DPY19L1: variants seen among roughly 807,000 people sequenced by gnomAD.
DPY19L1 encodes the protein dpy-19 like C-mannosyltransferase 1, also known as protein C-mannosyl-transferase DPY19L1.
In DPY19L1, 35 loss-of-function variants were observed where a neutral mutation model predicts 96.9. That is an observed-to-expected ratio of 0.36 (90% confidence interval 0.28 to 0.48). The LOEUF (loss-of-function observed/expected upper bound fraction) is 0.48. Among genes scored for constraint, DPY19L1 ranks in the 20% least tolerant of loss-of-function variants. The pLI is 0.99. For missense variants in DPY19L1, 521 were observed against 777.9 expected, an observed-to-expected ratio of 0.67 and a Z score of 3.93; for synonymous variants, 205 against 252.6, an observed-to-expected ratio of 0.81 and a Z score of 1.79.
rs1785913064 is a variant in DPY19L1 at position 35,018,513 on chromosome 7, A to G, written c.323+59T>C. 4 of 1,447,320 alleles carry G rather than the reference A, an allele frequency of 2.8e-6. No homozygotes were observed. In the Admixed American group the frequency reaches 5.3e-5, roughly 19 times the overall value. The allele number at this position is 1,447,320 out of a possible 1,614,324, so 89.7% of individuals were successfully genotyped here. A position where few individuals can be genotyped will look rare whatever the true frequency, so the allele number is the denominator to read the frequency against. On this transcript the variant is annotated intron_variant, in intron 2 of 21. Transcript: ENST00000638088. The stretch of plus-strand genomic sequence containing the variant: ...TTATTCCTTTAAATGTATGGGAAAT[A>G]GCTTTAGCAAGTTATAAACGTCTGC...
rs552550658 is a variant in DPY19L1, at chr7:35,017,339, C to CA, written c.411+542dup. ...AAACCCCGTCTCTACTAAAAAAATA[C>CA]AAAAAATTAGCCGGGCGCGGTGGCG... On this transcript the variant is annotated intron_variant, in intron 3 of 21. Transcript: ENST00000638088. 8.1e-3 allele frequency among the ~76,000 whole-genome samples: 1,222 copies of CA among 150,940 alleles called. 22 individuals are homozygous for CA. The highest frequency in any genetic ancestry group is 0.029 in the African/African-American group (1,181 of 41,058).
At position 35,018,555 on chromosome 7, in the gene DPY19L1, G is replaced by GA. The variant is rs1333513558; in HGVS notation, c.323+16dup. The GA allele has an allele frequency of 1.9e-6, 3 of 1,602,996 alleles. No individual in the cohort carries two copies. Among genetic ancestry groups the GA allele is most frequent in the Non-Finnish European group, 2.6e-6 (3 of 1,174,722 alleles). On this transcript the variant is annotated intron_variant, in intron 2 of 21. Coordinates refer to ENST00000638088, the MANE Select transcript of DPY19L1 (RefSeq NM_001366673.1). ...AACGTCTGCATAAAATACCATAGGA[G>GA]AAAAAAACAATCTTACCAGTGCAAC...
At chr7:35,026,725 A>G (rs149108121) in intron 1 of DPY19L1, among the ~76,000 whole-genome samples, 165 of 152,336 alleles carry the variant, frequency 1.1e-3, no homozygotes, top group Middle Eastern at 0.01. Context: ...TTCAAAAGAT[A>G]CACTGAGGGA....
intron 16 of DPY19L1, among the ~76,000 whole-genome samples, chr7:34,944,180 T>G (rs1434938962): frequency 6.6e-6 from 1 of 151,714 alleles, no homozygotes; most frequent in Non-Finnish European, 1.5e-5. Context: ...CTGGCCAATA[T>G]GGTGAAACCC....
At chr7:35,004,227 C>T (rs1009387960) in intron 6 of DPY19L1, among the ~76,000 whole-genome samples, 4 of 152,208 alleles carry the variant, frequency 2.6e-5, no homozygotes, top group African/African-American at 9.6e-5. Flanking sequence ...AGCTCAGCTG[C>T]GCTCCTGACA....
At chr7:35,004,618 A>T (rs566529531) in intron 6 of DPY19L1, among the ~76,000 whole-genome samples, 4 of 152,338 alleles carry the variant, frequency 2.6e-5, no homozygotes, top group Admixed American at 6.5e-5. Flanking sequence ...AAGATTTTAC[A>T]CAATTCCATA....
At chr7:35,020,771 T>C (rs1253238532) in intron 1 of DPY19L1, among the ~76,000 whole-genome samples, 2 of 152,144 alleles carry the variant, frequency 1.3e-5, no homozygotes, top group Non-Finnish European at 2.9e-5. Flanking sequence ...TGCAGTGGCA[T>C]GATCTTGGCT....
At chr7:34,999,028 AGG>A (rs1785362485) in intron 6 of DPY19L1, among the ~76,000 whole-genome samples, 1 of 152,250 alleles carries the variant, frequency 6.6e-6, no homozygotes, top group Non-Finnish European at 1.5e-5. Flanking sequence ...TCAAGAAAAC[AGG>A]AAAAAAGAAA....
chr7:35,035,907 T>A (rs1342411832), intron 1 of DPY19L1, among the ~76,000 whole-genome samples: 53 of 141,038 alleles, frequency 3.8e-4, no homozygotes, highest in Admixed American at 6.2e-4. Context: ...GCTACTGAGA[T>A]AAAAAAAAAG....
At chr7:34,972,155 C>G (rs990730373) in intron 8 of DPY19L1, among the ~76,000 whole-genome samples, 1 of 152,222 alleles carries the variant, frequency 6.6e-6, no homozygotes, top group Non-Finnish European at 1.5e-5. Flanking sequence ...GAAATGCAGA[C>G]AGCCTCTAGA....
At chr7:35,036,973 G>C (rs1020175610) in intron 1 of DPY19L1, 124 bp downstream of exon 1, 3 of 153,596 alleles carry the variant, frequency 2.0e-5, no homozygotes, top group African/African-American at 4.9e-5. Context: ...TGGCTGGTCC[G>C]GCTGGCGGGG....
intron 10 of DPY19L1, among the ~76,000 whole-genome samples, chr7:34,961,734 G>T (rs1316320098): frequency 6.6e-6 from 1 of 151,876 alleles, no homozygotes; most frequent in Non-Finnish European, 1.5e-5. Flanking sequence ...ATCTGATAAG[G>T]GACTGTTATC....
At chr7:34,962,155 A>G (rs1379649236) in intron 10 of DPY19L1, among the ~76,000 whole-genome samples, 3 of 152,240 alleles carry the variant, frequency 2.0e-5, no homozygotes, top group East Asian at 1.9e-4. Flanking sequence ...TGTTTACGGC[A>G]GCTTTATTCA....
At chr7:35,000,169 C>G (rs756337661) in intron 6 of DPY19L1, among the ~76,000 whole-genome samples, 1 of 152,130 alleles carries the variant, frequency 6.6e-6, no homozygotes, top group Non-Finnish European at 1.5e-5. Context: ...ACCTCTTGAT[C>G]TTTGCCAAAA....
intron 10 of DPY19L1, 57 bp downstream of exon 10, chr7:34,966,837 A>G: frequency 7.2e-7 from 1 of 1,385,110 alleles, no homozygotes; most frequent in South Asian, 1.4e-5. Context: ...CAAATAAAAT[A>G]TTAATCAGGA....
At chr7:34,950,293 G>A (rs1008526219) in intron 13 of DPY19L1, among the ~76,000 whole-genome samples, 2 of 152,120 alleles carry the variant, frequency 1.3e-5, no homozygotes, top group Non-Finnish European at 2.9e-5. Context: ...TAAAGAAAAA[G>A]AAATACGAAT....
In DPY19L1 at chr7:35,037,123, C is replaced by A. The variant is rs1786433127; in HGVS notation, c.272G>T (p.Gly91Val). 9.9e-6 allele frequency: 2 copies of A among 202,170 alleles called. No individual in the cohort carries two copies. Among genetic ancestry groups the A allele is most frequent in the African/African-American group, 4.8e-5 (2 of 42,098 alleles). The allele number at this position is 202,170 out of a possible 1,614,324, so 12.5% of individuals were successfully genotyped here. The change falls in exon 1 of 22, where the codon GGC becomes GTC. Residue 91 changes from glycine to valine, a missense_variant. Physicochemically the swap from Gly to Val is moderately radical, Grantham distance 109. Coordinates refer to ENST00000638088, the MANE Select transcript of DPY19L1 (RefSeq NM_001366673.1). Reference sequence around the variant, plus strand: ...TAACAGGAGCGTGGTCCAGGTCCGGCCGCGCCCCGCGCGCCGCAGGCCCAG... The same window carrying A: ...TAACAGGAGCGTGGTCCAGGTCCGGACGCGCCCCGCGCGCCGCAGGCCCAG... ...WALGLRRAGR[G>V]RTWTTLLLAV...
intron 6 of DPY19L1, among the ~76,000 whole-genome samples, chr7:34,992,687 C>G (rs1416667478): frequency 6.6e-6 from 1 of 151,954 alleles, no homozygotes; most frequent in Non-Finnish European, 1.5e-5. Flanking sequence ...GCTGAAACTA[C>G]AGGTGTGACC....
chr7:35,012,753 C>G (rs55678630), intron 4 of DPY19L1, among the ~76,000 whole-genome samples: 1 of 151,650 alleles, frequency 6.6e-6, no homozygotes, highest in East Asian at 1.9e-4. Flanking sequence ...AGACATCATA[C>G]ACAAAGCTAA....
Sources: gnomAD v4.1 joint callset for allele counts (sites outside exome capture counted in the v4.1 genomes callset) on GRCh38, gnomAD v4.1.1 for gene constraint, MANE v1.5 for transcripts, NCBI Gene and HGNC (gene_info 2026-07-23, HGNC 2026-07-21) for gene names.